BHMT: variants seen among roughly 807,000 people sequenced by gnomAD.
The protein encoded by BHMT is betaine--homocysteine S-methyltransferase 1.
A neutral mutation model predicts 49.5 loss-of-function variants in BHMT; 38 were observed. The ratio of observed to expected loss-of-function variants is 0.77; its 90% CI spans 0.59 to 1.01. BHMT has a LOEUF of 1.01. BHMT is among the 50% of genes least tolerant of loss of function. The pLI is 0.00. For synonymous variants in BHMT, 166 were observed against 176.3 expected, an observed-to-expected ratio of 0.94 and a Z score of 0.46; for missense variants, 426 against 495.7, an observed-to-expected ratio of 0.86 and a Z score of 1.34.
intron 4 of BHMT, among the ~76,000 whole-genome samples, chr5:79,120,880 C>T (rs1362602552): frequency 6.6e-6 from 1 of 152,126 alleles, no homozygotes; most frequent in Non-Finnish European, 1.5e-5. Context: ...AGGCTGGGCA[C>T]GGTGGCTCAC....
At chr5:79,129,932 G>T (rs1456580543) in intron 7 of BHMT, among the ~76,000 whole-genome samples, 1 of 152,162 alleles carries the variant, frequency 6.6e-6, no homozygotes, top group Non-Finnish European at 1.5e-5. Context: ...GCTGAGGCAG[G>T]CGAATCACTT....
Position 79,126,891 on chromosome 5 carries a change from A to G in BHMT, c.808+663A>G, listed in dbSNP as rs79052857. Among the ~76,000 whole-genome samples the G allele has an allele frequency of 5.7e-3, 875 of 152,248 alleles. 6 individuals carry two copies. The highest frequency in any genetic ancestry group is 8.2e-3 in the Non-Finnish European group (555 of 68,008). On this transcript the variant is annotated intron_variant, in intron 6 of 7. Transcript: ENST00000274353. The stretch of plus-strand genomic sequence containing the variant: ...CCAGAGTGGTCAGCAGGGGCAGAGC[A>G]TGCCCAGCCTCCTATTTCCTTCTAA...
At chr5:79,120,583 T>C in intron 4 of BHMT, 42 bp downstream of exon 4, 3 of 1,550,296 alleles carry the variant, frequency 1.9e-6, no homozygotes, top group Non-Finnish European at 2.6e-6. Context: ...ATACACCTAG[T>C]ACATTTTCTC....
chr5:79,121,150 C>CAAAA, intron 4 of BHMT, 68 bp from the exon 5 acceptor site: 7 of 1,357,558 alleles, frequency 5.2e-6, no homozygotes, highest in Non-Finnish European at 6.9e-6. Context: ...AACTCCGTCT[C>CAAAA]AAAAAAAAAA....
intron 2 of BHMT, among the ~76,000 whole-genome samples, chr5:79,116,687 TAA>T (rs1360815474): frequency 1.4e-4 from 21 of 152,302 alleles, no homozygotes; most frequent in African/African-American, 5.1e-4. Context: ...GCTAAATCTA[TAA>T]GGCTAATCTC....
Position 79,127,065 on chromosome 5 carries a change from G to A in BHMT, c.809-690G>A, listed in dbSNP as rs374189348. Among the ~76,000 whole-genome samples the A allele has an allele frequency of 1.2e-4, 19 of 152,296 alleles. 1 individual carries two copies. Among genetic ancestry groups the A allele is most frequent in the Admixed American group, 5.9e-4 (9 of 15,294 alleles). On this transcript the variant is annotated intron_variant, in intron 6 of 7. Coordinates refer to ENST00000274353, the MANE Select transcript of BHMT (RefSeq NM_001713.3). ...ATAACACATTAAATTAATGCAAAATGTAGTGGCTTGAAAAACCACTTCTTA... is the reference window on the plus strand; with the variant it reads ...ATAACACATTAAATTAATGCAAAATATAGTGGCTTGAAAAACCACTTCTTA...
In BHMT at chr5:79,111,834, C is replaced by A. The variant is rs1173407235; in HGVS notation, c.-52C>A. The A allele has an allele frequency of 1.2e-6, 2 of 1,607,872 alleles. No individual in the cohort carries two copies. The highest frequency in any genetic ancestry group is 1.3e-5 in the African/African-American group (1 of 74,738). ...AGCTCGGGGCTGCGCAGCGGGAAGG[C>A]TCGCCTAGTCGGTCCGCATCCGTGT... On this transcript the variant is annotated 5_prime_UTR_variant, in exon 1 of 8. Coordinates refer to ENST00000274353, the MANE Select transcript of BHMT (RefSeq NM_001713.3).
At chr5:79,121,567 C>T (rs898255182) in intron 5 of BHMT, among the ~76,000 whole-genome samples, 1 of 152,092 alleles carries the variant, frequency 6.6e-6, no homozygotes, top group Non-Finnish European at 1.5e-5. Context: ...GTAATCCCAG[C>T]ACTTTGGGAG....
intron 4 of BHMT, 131 bp downstream of exon 4, chr5:79,120,672 C>T (rs577329397): frequency 2.2e-6 from 2 of 895,410 alleles, no homozygotes; most frequent in South Asian, 3.3e-5. Flanking sequence ...TTTTTGAAAT[C>T]GTTTTCCAAT....
At position 79,111,841 on chromosome 5, in the gene BHMT, A is replaced by G; in HGVS notation, c.-45A>G. On this transcript the variant is annotated 5_prime_UTR_variant, in exon 1 of 8. Transcript: ENST00000274353. The stretch of plus-strand genomic sequence containing the variant: ...GGCTGCGCAGCGGGAAGGCTCGCCT[A>G]GTCGGTCCGCATCCGTGTCGACCAC... 6.2e-7 allele frequency: 1 copy of G among 1,609,642 alleles called. No individual in the cohort carries two copies. Among genetic ancestry groups the G allele is most frequent in the Non-Finnish European group, 8.5e-7 (1 of 1,178,130 alleles).
chr5:79,124,091 T>C (rs1756513451), intron 5 of BHMT, among the ~76,000 whole-genome samples: 1 of 151,796 alleles, frequency 6.6e-6, no homozygotes, highest in Admixed American at 6.6e-5. Context: ...AATGGGCAAA[T>C]CCACAGAGAC....
At chr5:79,117,903 G>GT (rs1380228966) in intron 2 of BHMT, among the ~76,000 whole-genome samples, 2 of 152,094 alleles carry the variant, frequency 1.3e-5, no homozygotes, top group African/African-American at 4.8e-5. Flanking sequence ...TATAAAAGGA[G>GT]TTTTTTTCCA....
intron 7 of BHMT, among the ~76,000 whole-genome samples, chr5:79,129,857 A>G (rs1296709339): frequency 6.6e-6 from 1 of 152,100 alleles, no homozygotes; most frequent in Non-Finnish European, 1.5e-5. Context: ...CCCTGTACAT[A>G]TATTAAAAGA....
chr5:79,121,213 T>G lies in BHMT; in HGVS notation c.478-5T>G. ...TAAAAGTACTCTAACCTTAACTGAT[T>G]CCAGTATTTTGAACACGTTGAAGAA... On this transcript the variant is annotated splice_region_variant and splice_polypyrimidine_tract_variant and intron_variant, in intron 4 of 7. Transcript: ENST00000274353. 2 of 1,613,818 alleles carry G rather than the reference T, an allele frequency of 1.2e-6. No homozygotes were observed. The highest frequency in any genetic ancestry group is 1.7e-4 in the Middle Eastern group (1 of 6,060).
chr5:79,112,595 C>G (rs1025657723), intron 1 of BHMT, among the ~76,000 whole-genome samples: 1 of 152,196 alleles, frequency 6.6e-6, no homozygotes, highest in African/African-American at 2.4e-5. Context: ...TCCGTGATGA[C>G]AGAAAAATGT....
At chr5:79,115,937 G>A (rs1261482371) in intron 2 of BHMT, 38 bp downstream of exon 2, 4 of 1,567,630 alleles carry the variant, frequency 2.6e-6, no homozygotes, top group South Asian at 2.4e-5. Context: ...TCATAAAGGA[G>A]CCGGGTGTGG....
intron 6 of BHMT, 105 bp from the exon 7 acceptor site, chr5:79,127,650 T>C (rs1756572383): frequency 7.2e-7 from 1 of 1,391,594 alleles, no homozygotes; most frequent in African/African-American, 1.5e-5. Flanking sequence ...AAATTGAATA[T>C]TGAAAACAAT....
At chr5:79,114,106 T>C (rs1455735655) in intron 1 of BHMT, among the ~76,000 whole-genome samples, 1 of 147,318 alleles carries the variant, frequency 6.8e-6, no homozygotes, top group Non-Finnish European at 1.5e-5. Flanking sequence ...TATATATTTA[T>C]ATATATGTAT....
At chr5:79,112,162 C>A (rs1164831723) in intron 1 of BHMT, among the ~76,000 whole-genome samples, 1 of 152,148 alleles carries the variant, frequency 6.6e-6, no homozygotes, top group Non-Finnish European at 1.5e-5. Flanking sequence ...GCCTCTGTCC[C>A]CTCCAGCCCC....
Sources: gnomAD v4.1 joint callset for allele counts (sites outside exome capture counted in the v4.1 genomes callset) on GRCh38, gnomAD v4.1.1 for gene constraint, MANE v1.5 for transcripts, NCBI Gene and HGNC (gene_info 2026-07-23, HGNC 2026-07-21) for gene names.